Variants in SVOPL observed in about 807,000 individuals in gnomAD.
SVOPL encodes the protein SVOP like.
A neutral mutation model predicts 61.0 loss-of-function variants in SVOPL; 60 were observed. That is an observed-to-expected ratio of 0.98 (90% CI 0.80 to 1.22). The LOEUF (loss-of-function observed/expected upper bound fraction) is 1.22. Among genes scored for constraint, SVOPL ranks in the 50% most tolerant of loss-of-function variants. The probability of loss-of-function intolerance (pLI) is 0.00; values close to 1 mark genes in which losing one functional copy is unlikely to be tolerated. For synonymous variants in SVOPL, 279 were observed against 250.0 expected (o/e 1.12, Z -1.09); for missense variants, 662 against 643.9 (o/e 1.03, Z -0.30).
At chr7:138,642,303 AAAATC>A (rs1800849398) in intron 9 of SVOPL, among the ~76,000 whole-genome samples, 2 of 151,060 alleles carry the variant, frequency 1.3e-5, no homozygotes, top group African/African-American at 4.8e-5. Context: ...AAAAAAAAAA[AAAATC>A]AATAAAGAGA....
chr7:138,691,921 G>T (rs1802952777), intron 1 of SVOPL, among the ~76,000 whole-genome samples: 1 of 151,566 alleles, frequency 6.6e-6, no homozygotes, highest in Admixed American at 6.6e-5. Context: ...AGTTTCCAGG[G>T]ATTCTCCTGC....
Position 138,625,989 on chromosome 7 carries a change from C to A in SVOPL, c.1243G>T (p.Val415Phe), listed in dbSNP as rs745563010. The change falls in exon 13 of 16, where the codon GTC becomes TTC. Residue 415 changes from valine to phenylalanine, a missense_variant. Coordinates refer to ENST00000674285, the MANE Select transcript of SVOPL (RefSeq NM_001139456.2). ...RALVAANFNT[V>F]YIYTAEVYPT... ...CTCACCTCAGCTGTGTAAATGTAGA[C>A]GGTGTTGAAGTTTGCAGCTACCAGA... The A allele has an allele frequency of 1.2e-6, 2 of 1,614,030 alleles. No individual in the cohort carries two copies. The highest frequency in any genetic ancestry group is 1.1e-5 in the South Asian group (1 of 91,052).
At chr7:138,648,533 CAAAAAA>C (rs61171485) in intron 8 of SVOPL, among the ~76,000 whole-genome samples, 17 of 73,792 alleles carry the variant, frequency 2.3e-4, no homozygotes, top group Middle Eastern at 0.017. Context: ...ACTAAAAATC[CAAAAAA>C]AAAAAAAAAA....
At chr7:138,686,721 C>T (rs181592032) in intron 1 of SVOPL, among the ~76,000 whole-genome samples, 98 of 151,802 alleles carry the variant, frequency 6.5e-4, no homozygotes, top group African/African-American at 2.3e-3. Flanking sequence ...TGCACCGCCA[C>T]GCCCGGCTAA....
chr7:138,622,252 ATG>A (rs1563096767), intron 13 of SVOPL, among the ~76,000 whole-genome samples: 1 of 82,236 alleles, frequency 1.2e-5, no homozygotes, highest in African/African-American at 4.3e-5. Context: ...CTATCTATCT[ATG>A]TATCTATCTA....
At chr7:138,696,734 A>C (rs1803072999) in intron 1 of SVOPL, among the ~76,000 whole-genome samples, 1 of 151,976 alleles carries the variant, frequency 6.6e-6, no homozygotes, top group African/African-American at 2.4e-5. Context: ...CTGCCCGGCT[A>C]ATTTTTAAAA....
chr7:138,616,483 C>T (rs191567300), intron 14 of SVOPL, among the ~76,000 whole-genome samples: 3 of 152,048 alleles, frequency 2.0e-5, no homozygotes, highest in East Asian at 1.9e-4. Flanking sequence ...ATTACAGGCG[C>T]GCATCAACAA....
chr7:138,690,530 G>A (rs1336027429), intron 1 of SVOPL, among the ~76,000 whole-genome samples: 2 of 152,206 alleles, frequency 1.3e-5, no homozygotes, highest in East Asian at 3.8e-4. Context: ...CTAAGCAAAA[G>A]AAGTCATATA....
chr7:138,675,676 T>C (rs1802541367), intron 3 of SVOPL, among the ~76,000 whole-genome samples: 1 of 151,968 alleles, frequency 6.6e-6, no homozygotes, highest in Non-Finnish European at 1.5e-5. Context: ...TTTCTTATAC[T>C]TTTTAGCTGT....
chr7:138,660,071 G>A (rs1255294579), intron 5 of SVOPL, 83 bp from the exon 6 acceptor site: 10 of 1,519,752 alleles, frequency 6.6e-6, no homozygotes, highest in Middle Eastern at 1.7e-4. Flanking sequence ...GCGATTTTCG[G>A]TTTCCATCCT....
intron 5 of SVOPL, chr7:138,660,234 T>G: frequency 8.3e-7 from 1 of 1,198,414 alleles, no homozygotes; most frequent in Non-Finnish European, 1.0e-6. Flanking sequence ...CCCACCCTCA[T>G]GGGTGGCAGG....
intron 15 of SVOPL, among the ~76,000 whole-genome samples, chr7:138,595,236 C>T (rs538405152): frequency 6.6e-6 from 1 of 152,238 alleles, no homozygotes; most frequent in African/African-American, 2.4e-5. Flanking sequence ...CTATTTTTGC[C>T]ATGTTCTTAT....
chr7:138,642,831 C>CAAAAAAAAAAAAA (rs749603417), intron 9 of SVOPL, among the ~76,000 whole-genome samples: 20 of 26,874 alleles, frequency 7.4e-4, no homozygotes, highest in African/African-American at 1.3e-3. Context: ...CTCCTACCTC[C>CAAAAAAAAAAAAA]AAAAAAAAAA....
At chr7:138,641,229 TAAA>T (rs5887892) in intron 9 of SVOPL, among the ~76,000 whole-genome samples, 9,648 of 130,696 alleles carry the variant, frequency 0.074, 353 homozygotes, top group East Asian at 0.15. Context: ...CTGAAATTAT[TAAA>T]AAAAAAAAAA....
chr7:138,600,551 A>C (rs1798471202), intron 14 of SVOPL, among the ~76,000 whole-genome samples: 1 of 152,002 alleles, frequency 6.6e-6, no homozygotes, highest in Non-Finnish European at 1.5e-5. Flanking sequence ...GCAATGAGCC[A>C]TGATTGTGCC....
intron 11 of SVOPL, 37 bp downstream of exon 11, chr7:138,628,121 C>G: frequency 6.2e-7 from 1 of 1,612,586 alleles, no homozygotes; most frequent in South Asian, 1.1e-5. Context: ...ATAGACCACC[C>G]AAGACAGAGA....
intron 4 of SVOPL, among the ~76,000 whole-genome samples, chr7:138,667,669 G>C (rs868371521): frequency 1.3e-4 from 20 of 152,194 alleles, no homozygotes; most frequent in African/African-American, 4.6e-4. Context: ...CTTTAAAAGA[G>C]AGTATAAATC....
chr7:138,664,123 C>T, intron 4 of SVOPL: 1 of 791,280 alleles, frequency 1.3e-6, no homozygotes, highest in Non-Finnish European at 1.5e-6. Context: ...AGCTCTCCCT[C>T]TGCCTCCCTC....
chr7:138,689,345 A>T, intron 1 of SVOPL: 3 of 1,591,272 alleles, frequency 1.9e-6, no homozygotes, highest in Non-Finnish European at 2.6e-6. Context: ...TGAACAAAGC[A>T]CCTAAGATGC....
Sources: gnomAD v4.1 joint callset for allele counts (sites outside exome capture counted in the v4.1 genomes callset) on GRCh38, gnomAD v4.1.1 for gene constraint, MANE v1.5 for transcripts, NCBI Gene and HGNC (gene_info 2026-07-23, HGNC 2026-07-21) for gene names.